Variants in HTR2C observed in about 807,000 individuals in gnomAD.
HTR2C encodes the protein 5-hydroxytryptamine receptor 2C, also known as 5-hydroxytryptamine (serotonin) receptor 2C, G protein-coupled.
Under a neutral mutation model 21.0 loss-of-function variants are expected in HTR2C, and 5 were observed. That is an observed-to-expected ratio of 0.24 (90% confidence interval 0.12 to 0.50). The LOEUF (loss-of-function observed/expected upper bound fraction) is 0.50, where lower values mean the gene tolerates loss of function less well. Ranked by LOEUF, HTR2C falls within the 20% of genes least tolerant of loss-of-function variation. HTR2C has a pLI of 0.98. For synonymous variants in HTR2C, 150 were observed against 145.3 expected, an observed-to-expected ratio of 1.03 and a Z score of -0.23; for missense variants, 271 against 371.2, an observed-to-expected ratio of 0.73 and a Z score of 2.22.
At chrX:114,680,333 G>A (rs1401097534) in intron 2 of HTR2C, among the ~76,000 whole-genome samples, 3 of 112,100 alleles carry the variant, frequency 2.7e-5, no homozygotes, top group Non-Finnish European at 5.6e-5. Context: ...TTTTTCCGGC[G>A]GAGCCTGATA....
chrX:114,603,561 T>C (rs1928242939), intron 1 of HTR2C, among the ~76,000 whole-genome samples: 1 of 103,886 alleles, frequency 9.6e-6, no homozygotes, highest in South Asian at 4.7e-4. Context: ...TCGGACACGA[T>C]TGGCAGAGGG....
Position 114,876,965 on chromosome X carries a change from G to C in HTR2C, c.550+28762G>C, listed in dbSNP as rs782438554. The stretch of plus-strand genomic sequence containing the variant: ...GAGGGTAATGCTGACTTTGTAAAAT[G>C]AGCTTAGAAGTGTTCTTTCATCTTG... On this transcript the variant is annotated intron_variant, in intron 5 of 5. Coordinates refer to ENST00000276198, the MANE Select transcript of HTR2C (RefSeq NM_000868.4). Among the ~76,000 whole-genome samples the C allele has an allele frequency of 1.4e-4, 16 of 111,330 alleles. No individual in the cohort carries two copies. The Middle Eastern group carries it at 0.018, about 128-fold the overall frequency.
intron 1 of HTR2C, among the ~76,000 whole-genome samples, 180 bp downstream of exon 1, chrX:114,584,839 GAA>G (rs1222024741): frequency 4.5e-5 from 5 of 110,133 alleles, no homozygotes; most frequent in Non-Finnish European, 7.6e-5. Context: ...GTCTCTGGAA[GAA>G]GAGAGGAGCT....
intron 5 of HTR2C, among the ~76,000 whole-genome samples, chrX:114,880,774 A>G (rs1556479684): frequency 8.9e-6 from 1 of 111,839 alleles, no homozygotes. Flanking sequence ...TTTTTATATG[A>G]TGAATGAATA....
chrX:114,774,764 A>G, intron 4 of HTR2C: 1 of 326,213 alleles, frequency 3.1e-6, no homozygotes, highest in Non-Finnish European at 5.5e-6. Flanking sequence ...AGAATTTGCT[A>G]CAAATTTAGG....
At chrX:114,673,444 A>G (rs1263933492) in intron 2 of HTR2C, among the ~76,000 whole-genome samples, 1 of 111,370 alleles carries the variant, frequency 9.0e-6, no homozygotes, top group East Asian at 2.8e-4. Flanking sequence ...ACTTTCAGAA[A>G]ACCCTCTTTG....
intron 4 of HTR2C, 148 bp from the exon 5 acceptor site, chrX:114,847,852 CCAT>C (rs2070886204): frequency 1.6e-5 from 7 of 427,675 alleles, no homozygotes; most frequent in Non-Finnish European, 2.0e-5. Flanking sequence ...ATCATGATCA[CCAT>C]CATCATCCCT....
At chrX:114,680,898 C>T (rs1931724988) in intron 2 of HTR2C, among the ~76,000 whole-genome samples, 1 of 111,041 alleles carries the variant, frequency 9.0e-6, no homozygotes, top group Non-Finnish European at 1.9e-5. Context: ...GTCCCTTTAT[C>T]CTATTTGTTT....
intron 4 of HTR2C, among the ~76,000 whole-genome samples, chrX:114,826,931 T>A: frequency 9.0e-6 from 1 of 111,389 alleles, no homozygotes; most frequent in Middle Eastern, 4.7e-3. Context: ...AATTCTGATT[T>A]ATTATGTTTT....
intron 4 of HTR2C, among the ~76,000 whole-genome samples, chrX:114,826,476 CAAAAT>C (rs1314308892): frequency 7.1e-5 from 8 of 111,927 alleles, no homozygotes; most frequent in Admixed American, 5.7e-4. Context: ...GTTTCATGCA[CAAAAT>C]TATTTGCAAT....
intron 2 of HTR2C, among the ~76,000 whole-genome samples, chrX:114,633,947 T>TATATAG (rs201763901): frequency 3.5e-4 from 32 of 92,184 alleles, no homozygotes; most frequent in African/African-American, 1.2e-3. Flanking sequence ...TATATATATA[T>TATATAG]AGAGAGAGAG....
At chrX:114,805,003 G>A (rs140888600) in intron 4 of HTR2C, among the ~76,000 whole-genome samples, 4,011 of 111,364 alleles carry the variant, frequency 0.036, 181 homozygotes, top group African/African-American at 0.12. Context: ...AAAGGAAACC[G>A]GTCATTGTCC....
Position 114,712,186 on chromosome X carries a change from A to T in HTR2C, c.-79-14672A>T, listed in dbSNP as rs151303878. 5.9e-3 allele frequency among the ~76,000 whole-genome samples: 665 copies of T among 111,999 alleles called. 7 individuals carry two copies. Among genetic ancestry groups the T allele is most frequent in the African/African-American group, 0.02 (626 of 30,953 alleles). ...TTATTATTTAGATGTCATTTCTGTGATCTCATGAAATATAGAATCCCTGGA... is the reference window on the plus strand; with the variant it reads ...TTATTATTTAGATGTCATTTCTGTGTTCTCATGAAATATAGAATCCCTGGA... On this transcript the variant is annotated intron_variant, in intron 2 of 5. Transcript: ENST00000276198.
intron 4 of HTR2C, among the ~76,000 whole-genome samples, chrX:114,841,740 CA>C (rs5903436): frequency 3.8e-3 from 369 of 97,913 alleles, no homozygotes; most frequent in African/African-American, 5.9e-3. Flanking sequence ...GACTCCGTCT[CA>C]AAAAAAAAAA....
Position 114,865,166 on chromosome X carries a change from TC to T in HTR2C, c.550+16964del, listed in dbSNP as rs782106654. Reference sequence around the variant, plus strand: ...GTATTTAATGAAATATAGGATATACTCTTTTGTAAATGGCTTCTTTCACTTA... The same window carrying T: ...GTATTTAATGAAATATAGGATATACTTTTTGTAAATGGCTTCTTTCACTTA... On this transcript the variant is annotated intron_variant, in intron 5 of 5. Coordinates refer to ENST00000276198, the MANE Select transcript of HTR2C (RefSeq NM_000868.4). Among the ~76,000 whole-genome samples the T allele has an allele frequency of 7.2e-5, 8 of 111,752 alleles. No homozygotes were observed. The Admixed American group carries it at 7.6e-4, about 11-fold the overall frequency.
At chrX:114,796,247 G>A (rs1018975025) in intron 4 of HTR2C, among the ~76,000 whole-genome samples, 13 of 111,469 alleles carry the variant, frequency 1.2e-4, no homozygotes, top group Admixed American at 3.8e-4. Flanking sequence ...TAGGAAAACC[G>A]CAGAAAACTT....
At chrX:114,655,460 A>G (rs1304821309) in intron 2 of HTR2C, among the ~76,000 whole-genome samples, 11 of 112,179 alleles carry the variant, frequency 9.8e-5, no homozygotes, top group African/African-American at 3.5e-4. Context: ...TGGCTAATGC[A>G]CTATGTTAAT....
In HTR2C at chrX:114,630,317, C is replaced by A. The variant is rs781802265; in HGVS notation, c.-80+16436C>A. Among the ~76,000 whole-genome samples, 15 of 110,873 alleles carry A rather than the reference C, an allele frequency of 1.4e-4. No individual in the cohort carries two copies. The South Asian group carries it at 5.7e-3, about 42-fold the overall frequency. ...TAGAATTATTAACTAAAAAAAATTCCAACATTTTTTTACCAGATCCCGCAC... is the reference window on the plus strand; with the variant it reads ...TAGAATTATTAACTAAAAAAAATTCAAACATTTTTTTACCAGATCCCGCAC... On this transcript the variant is annotated intron_variant, in intron 2 of 5. Transcript: ENST00000276198.
intron 5 of HTR2C, among the ~76,000 whole-genome samples, chrX:114,882,931 A>G (rs1569502306): frequency 9.1e-6 from 1 of 110,357 alleles, no homozygotes; most frequent in Admixed American, 9.7e-5. Context: ...CTTTTTATAT[A>G]TTTATATAAC....
Sources: gnomAD v4.1 joint callset for allele counts (sites outside exome capture counted in the v4.1 genomes callset) on GRCh38, gnomAD v4.1.1 for gene constraint, MANE v1.5 for transcripts, NCBI Gene and HGNC (gene_info 2026-07-23, HGNC 2026-07-21) for gene names.